Variants in RPSA2 observed in about 807,000 individuals in gnomAD.
The protein encoded by RPSA2 is small ribosomal subunit protein uS2B.
At chr19:23,835,846 C>A in the RPSA2 span, among the ~76,000 whole-genome samples, 1 of 152,084 alleles carries the variant, frequency 6.6e-6, no homozygotes, top group Non-Finnish European at 1.5e-5. Context: ...GTTGGTCACG[C>A]TGGTCTCAAA....
At chr19:23,811,520 T>G in the RPSA2 span, among the ~76,000 whole-genome samples, 1 of 150,298 alleles carries the variant, frequency 6.7e-6, no homozygotes, top group Non-Finnish European at 1.5e-5. Context: ...GGATGCCTTT[T>G]TTTTTTTTAT....
chr19:23,761,921 T>TCTCTCTCTCTCTCGCTCTCTCTCTCTCTC, the RPSA2 span, among the ~76,000 whole-genome samples: 2 of 76,142 alleles, frequency 2.6e-5, 1 homozygote, highest in Non-Finnish European at 5.2e-5. Flanking sequence ...TCTTTCTTTC[T>TCTCTCTCTCTCTCGCTCTCTCTCTCTCTC]TTTTTTTTTT....
the RPSA2 span, among the ~76,000 whole-genome samples, chr19:23,830,786 T>C: frequency 6.6e-6 from 1 of 152,172 alleles, no homozygotes; most frequent in African/African-American, 2.4e-5. Context: ...ATGCTTTCTT[T>C]CAGAAAAATT....
At chr19:23,802,159 C>G in the RPSA2 span, among the ~76,000 whole-genome samples, 1 of 152,128 alleles carries the variant, frequency 6.6e-6, no homozygotes, top group Non-Finnish European at 1.5e-5. Context: ...ACTCTTTGAC[C>G]TTTTCACATT....
chr19:23,793,423 A>G, the RPSA2 span, among the ~76,000 whole-genome samples: 3 of 145,022 alleles, frequency 2.1e-5, no homozygotes, highest in Admixed American at 6.9e-5. Flanking sequence ...ATTGTATTGT[A>G]TTTGTATTTT....
At chr19:23,842,258 T>C in the RPSA2 span, among the ~76,000 whole-genome samples, 1 of 152,222 alleles carries the variant, frequency 6.6e-6, no homozygotes, top group African/African-American at 2.4e-5. Context: ...CTGTATAATC[T>C]AAATATGGCA....
At chr19:23,836,897 T>C in the RPSA2 span, among the ~76,000 whole-genome samples, 2 of 152,152 alleles carry the variant, frequency 1.3e-5, no homozygotes, top group Non-Finnish European at 1.5e-5. Flanking sequence ...TTGTCAGATG[T>C]ATAGATTGTA....
the RPSA2 span, chr19:23,818,005 C>T: frequency 2.0e-5 from 3 of 152,204 alleles, no homozygotes; most frequent in Non-Finnish European, 2.9e-5. Flanking sequence ...AATTGTTTTT[C>T]CCATCATTGC....
the RPSA2 span, among the ~76,000 whole-genome samples, chr19:23,855,084 G>C: frequency 6.6e-6 from 1 of 152,074 alleles, no homozygotes; most frequent in Non-Finnish European, 1.5e-5. Flanking sequence ...GCTTGGCCTG[G>C]GGCACGTAAT....
chr19:23,760,458 C>A, the RPSA2 span, among the ~76,000 whole-genome samples: 1 of 151,886 alleles, frequency 6.6e-6, no homozygotes, highest in Admixed American at 6.6e-5. Flanking sequence ...ATGTTGACCT[C>A]CTTCTGCTGT....
the RPSA2 span, among the ~76,000 whole-genome samples, chr19:23,771,675 C>CA: frequency 6.6e-6 from 1 of 152,106 alleles, no homozygotes; most frequent in Non-Finnish European, 1.5e-5. Context: ...TTGGACATAT[C>CA]ACTGTGAGTA....
At chr19:23,760,066 C>G in the RPSA2 span, among the ~76,000 whole-genome samples, 1 of 152,106 alleles carries the variant, frequency 6.6e-6, no homozygotes, top group Non-Finnish European at 1.5e-5. Context: ...TTGCCAATAC[C>G]CTGTGAGGGG....
At chr19:23,792,601 T>TG in the RPSA2 span, among the ~76,000 whole-genome samples, 1 of 151,024 alleles carries the variant, frequency 6.6e-6, no homozygotes, top group Non-Finnish European at 1.5e-5. Context: ...GTTTTTTTTT[T>TG]TGTGACAGAG....
At chr19:23,841,977 G>C in the RPSA2 span, among the ~76,000 whole-genome samples, 1 of 152,090 alleles carries the variant, frequency 6.6e-6, no homozygotes, top group Non-Finnish European at 1.5e-5. Flanking sequence ...AATGAAGGCT[G>C]TCATTTTTGT....
At chr19:23,859,941 T>C in the RPSA2 span, among the ~76,000 whole-genome samples, 1 of 152,194 alleles carries the variant, frequency 6.6e-6, no homozygotes, top group Non-Finnish European at 1.5e-5. Flanking sequence ...ACTTTTCCAT[T>C]ATGATTTAAC....
At chr19:23,808,864 A>T in the RPSA2 span, 4 of 484,772 alleles carry the variant, frequency 8.3e-6, no homozygotes, top group Non-Finnish European at 1.4e-5. Flanking sequence ...GCCCAAATCA[A>T]GAAGAAAGCA....
the RPSA2 span, among the ~76,000 whole-genome samples, chr19:23,789,019 C>CTT: frequency 1.9e-3 from 219 of 112,616 alleles, 18 homozygotes; most frequent in East Asian, 8.1e-3. Flanking sequence ...TTTTTTCTTT[C>CTT]TTTCTTTTTT....
the RPSA2 span, among the ~76,000 whole-genome samples, chr19:23,796,850 G>A: frequency 7.2e-4 from 3 of 4,140 alleles, no homozygotes; most frequent in Admixed American, 0.021. Flanking sequence ...AATCTAGCTA[G>A]TGGTTTATTT....
At chr19:23,841,205 TAA>T in the RPSA2 span, among the ~76,000 whole-genome samples, 1 of 152,006 alleles carries the variant, frequency 6.6e-6, no homozygotes. Context: ...ATGTTTCTTT[TAA>T]AAAACTGTAT....
Sources: allele counts gnomAD v4.1 joint callset (sites outside exome capture counted in the v4.1 genomes callset), GRCh38; gene constraint gnomAD v4.1.1; transcripts MANE v1.5; gene names NCBI Gene and HGNC (gene_info 2026-07-23, HGNC 2026-07-21).